PTPRF: variants seen among roughly 807,000 people sequenced by gnomAD.
PTPRF encodes receptor-type tyrosine-protein phosphatase F.
In PTPRF, 59 loss-of-function variants were observed where a neutral mutation model predicts 201.8. The ratio of observed to expected loss-of-function variants is 0.29; its 90% confidence interval spans 0.24 to 0.36. The LOEUF is 0.36. Ranked by LOEUF, PTPRF falls within the 10% of genes least tolerant of loss-of-function variation. The probability of loss-of-function intolerance (pLI) is 1.00; values close to 1 mark genes in which losing one functional copy is unlikely to be tolerated. For missense variants in PTPRF, 2,132 were observed against 2,690.5 expected, an observed-to-expected ratio of 0.79 and a Z score of 4.59; for synonymous variants, 1,088 against 1,089.7, an observed-to-expected ratio of 1.00 and a Z score of 0.03.
At chr1:43,579,051 T>G (rs1045614656) in intron 7 of PTPRF, 131 bp downstream of exon 7, 22 of 843,530 alleles carry the variant, frequency 2.6e-5, no homozygotes, top group South Asian at 7.2e-5. Context: ...CCTTCCTGCT[T>G]CTTTCTGCAG....
intron 2 of PTPRF, among the ~76,000 whole-genome samples, chr1:43,544,557 C>A (rs1343828925): frequency 6.6e-6 from 1 of 152,194 alleles, no homozygotes; most frequent in Non-Finnish European, 1.5e-5. Flanking sequence ...AGAATTCTAC[C>A]AGGGAGACTC....
rs766771427 is a variant in PTPRF, at chr1:43,598,908, G to T, written c.2308G>T (p.Ala770Ser). Residue 770 changes from alanine to serine, a missense_variant, in exon 13 of 34, where the codon GCC becomes TCC. Around this residue, in one of 6 missense-constraint regions of PTPRF, gnomAD observed 818 missense variants for 915.3 expected, o/e 0.89. Transcript: ENST00000359947. ...PIIQDVMLAE[A>S]QWRPEESEDY... ...CATCCAAGACGTCATGCTAGCCGAG[G>T]CCCAGGTGCAGCATTGGGTGGTGGT... 6.2e-7 allele frequency: 1 copy of T among 1,613,088 alleles called. No individual in the cohort carries two copies. Among genetic ancestry groups the T allele is most frequent in the East Asian group, 2.2e-5 (1 of 44,872 alleles).
At chr1:43,592,640 C>T in intron 11 of PTPRF, 39 bp downstream of exon 11, 1 of 1,540,956 alleles carries the variant, frequency 6.5e-7, no homozygotes, top group Non-Finnish European at 8.7e-7. Context: ...TACACCTGGG[C>T]TGGGACACAC....
intron 7 of PTPRF, chr1:43,579,187 T>C (rs1288111688): frequency 2.9e-5 from 19 of 652,714 alleles, no homozygotes; most frequent in East Asian, 1.3e-4. Flanking sequence ...TCTTGCCGCA[T>C]GGGCCCGGAG....
intron 7 of PTPRF, chr1:43,579,894 G>GA (rs1297257379): frequency 6.6e-6 from 1 of 152,108 alleles, no homozygotes; most frequent in African/African-American, 2.4e-5. Context: ...CCAACATGGT[G>GA]AAACCCCGTC....
Position 43,619,366 on chromosome 1 carries a change from C to T in PTPRF, c.4725C>T (p.Asp1575=), listed in dbSNP as rs1317650582. Residue 1575 remains aspartate (D), a synonymous_variant, in exon 28 of 34, where the codon GAC becomes GAT. Transcript: ENST00000359947. The part of the protein sequence containing the change: ...LERMKHEKTV[D]IYGHVTCMRS... ...GGATGAAGCACGAGAAGACGGTGGA[C>T]ATCTATGGCCACGTGACCTGCATGC... The T allele has an allele frequency of 1.2e-6, 2 of 1,614,022 alleles. No individual in the cohort carries two copies. The highest frequency in any genetic ancestry group is 1.1e-5 in the South Asian group (1 of 91,080).
chr1:43,579,681 T>C (rs1201770049), intron 7 of PTPRF: 1 of 189,936 alleles, frequency 5.3e-6, no homozygotes, highest in Non-Finnish European at 1.1e-5. Flanking sequence ...GAGAACACAC[T>C]GGGTCTGGTA....
intron 6 of PTPRF, 66 bp downstream of exon 6, chr1:43,569,844 C>T (rs1034050138): frequency 1.7e-5 from 25 of 1,503,486 alleles, no homozygotes; most frequent in Non-Finnish European, 2.1e-5. Flanking sequence ...CAGATCCCAG[C>T]ACAGCCTACT....
intron 22 of PTPRF, among the ~76,000 whole-genome samples, chr1:43,612,537 C>G (rs377723933): frequency 6.6e-6 from 1 of 152,138 alleles, no homozygotes; most frequent in Non-Finnish European, 1.5e-5. Flanking sequence ...AAGTGCTCGC[C>G]TCTGGGGGTG....
intron 6 of PTPRF, among the ~76,000 whole-genome samples, chr1:43,574,143 T>A (rs1646769244): frequency 6.6e-6 from 1 of 151,796 alleles, no homozygotes; most frequent in Non-Finnish European, 1.5e-5. Flanking sequence ...ATTACAAGCA[T>A]GAGTCACCAC....
At chr1:43,522,712 G>C (rs1248757368), upstream of PTPRF, among the ~76,000 whole-genome samples, 1 of 152,180 alleles carries the variant, frequency 6.6e-6, no homozygotes, top group Non-Finnish European at 1.5e-5. Flanking sequence ...AAGTCTTCTA[G>C]AAAGAATGGG....
rs903339075 is a variant in PTPRF at position 43,592,486 on chromosome 1, C to T, written c.1698C>T (p.Ser566=). Residue 566 remains serine (S), a synonymous_variant, in exon 11 of 34, where the codon TCC becomes TCT. Transcript: ENST00000359947. ...AGGTGACCTTCGACCCAACCTCCTC[C>T]TACACACTAGAGGACCTGAAGCCTG... ...QHKVTFDPTS[S]YTLEDLKPDT... 7 of 1,612,822 alleles carry T rather than the reference C, an allele frequency of 4.3e-6. No individual in the cohort carries two copies. The highest frequency in any genetic ancestry group is 1.7e-4 in the Middle Eastern group (1 of 6,052).
At chr1:43,547,368 T>G (rs1644746698) in intron 3 of PTPRF, among the ~76,000 whole-genome samples, 1 of 152,178 alleles carries the variant, frequency 6.6e-6, no homozygotes, top group Non-Finnish European at 1.5e-5. Flanking sequence ...CCTGCCTTCT[T>G]CAGGTAGGGG....
chr1:43,576,061 C>T, intron 6 of PTPRF: 1 of 754,214 alleles, frequency 1.3e-6, no homozygotes, highest in Non-Finnish European at 2.0e-6. Flanking sequence ...GCTCCAGCAC[C>T]CCCAACACCA....
chr1:43,570,888 G>A (rs1646521460), intron 6 of PTPRF, among the ~76,000 whole-genome samples: 2 of 152,242 alleles, frequency 1.3e-5, no homozygotes, highest in Admixed American at 6.5e-5. Context: ...ACGGCCGGCA[G>A]TGTTTGTGGC....
At chr1:43,582,272 A>G (rs953325932) in intron 7 of PTPRF, among the ~76,000 whole-genome samples, 1 of 152,208 alleles carries the variant, frequency 6.6e-6, no homozygotes, top group Non-Finnish European at 1.5e-5. Context: ...TGCAGCTAGC[A>G]CTCGGCTACT....
intron 22 of PTPRF, among the ~76,000 whole-genome samples, chr1:43,610,270 T>C (rs1264244264): frequency 6.6e-6 from 1 of 152,208 alleles, no homozygotes; most frequent in African/African-American, 2.4e-5. Flanking sequence ...GCCTGTGAAA[T>C]GAACACACAG....
Position 43,537,587 on chromosome 1 carries a change from T to G in PTPRF, c.-125-611T>G, listed in dbSNP as rs1447369368. Among the ~76,000 whole-genome samples the G allele has an allele frequency of 6.6e-6, 1 of 152,194 alleles. No homozygotes were observed. The highest frequency in any genetic ancestry group is 2.4e-5 in the African/African-American group (1 of 41,450). On this transcript the variant is annotated intron_variant, in intron 1 of 33. Transcript: ENST00000359947. This position sits in a 1 kb window ranked among gnomAD's most constrained non-coding sequence, Gnocchi z 4.8. ...GTGACTCAGTAATTGTAAAAATATATAAATAGTCATGTTTGTGGTCACGGC... is the reference window on the plus strand; with the variant it reads ...GTGACTCAGTAATTGTAAAAATATAGAAATAGTCATGTTTGTGGTCACGGC...
intron 7 of PTPRF, among the ~76,000 whole-genome samples, chr1:43,585,396 A>G (rs944099655): frequency 6.6e-6 from 1 of 152,076 alleles, no homozygotes; most frequent in Non-Finnish European, 1.5e-5. Context: ...CCTCCCTCAC[A>G]TGGAAAATGT....
Sources: gnomAD v4.1 joint callset for allele counts (sites outside exome capture counted in the v4.1 genomes callset) on GRCh38, gnomAD v4.1.1 for gene constraint, gnomAD v4.1.1 regional missense constraint, Gnocchi (gnomAD v3.1) non-coding constraint, MANE v1.5 for transcripts, NCBI Gene and HGNC (gene_info 2026-07-23, HGNC 2026-07-21) for gene names.